Variants in FBXO41 observed in about 807,000 individuals in gnomAD.
The protein encoded by FBXO41 is F-box only protein 41.
Under a neutral mutation model 81.6 loss-of-function variants are expected in FBXO41, and 33 were observed. The ratio of observed to expected loss-of-function variants is 0.40; its 90% CI spans 0.31 to 0.54. FBXO41 has a LOEUF of 0.54. FBXO41 is among the 20% of genes least tolerant of loss of function. The pLI is 0.39. For synonymous variants in FBXO41, 576 were observed against 552.7 expected (o/e 1.04, Z -0.59); for missense variants, 1,107 against 1,236.0 (o/e 0.90, Z 1.56).
At chr2:73,272,703 T>C in intron 1 of FBXO41, among the ~76,000 whole-genome samples, 1 of 152,216 alleles carries the variant, frequency 6.6e-6, no homozygotes, top group Non-Finnish European at 1.5e-5. Flanking sequence ...GGCAGAACAC[T>C]GAGGCCTGTT....
rs1687864273 is a variant in FBXO41, at chr2:73,257,655, G to A, written c.*1327C>T. 1 of 152,334 alleles carries A rather than the reference G, an allele frequency of 6.6e-6. No homozygotes were observed. The highest frequency in any genetic ancestry group is 2.4e-5 in the African/African-American group (1 of 41,456). 9.4% of individuals were successfully genotyped at this position (152,334 alleles called of 1,614,324 possible). On this transcript the variant is annotated 3_prime_UTR_variant, in exon 13 of 13. Coordinates refer to ENST00000520530, the MANE Select transcript of FBXO41 (RefSeq NM_001371389.2). This position sits in a 1 kb window ranked among gnomAD's most constrained non-coding sequence, Gnocchi z 4.6. ...CAGGACCCCCGGCCTCTGAGCTACT[G>A]TGGGAGTTCTGAGAGGAGGAACTGG...
At chr2:73,280,298 A>T (rs1362001548) in intron 1 of FBXO41, among the ~76,000 whole-genome samples, 3 of 152,160 alleles carry the variant, frequency 2.0e-5, no homozygotes, top group African/African-American at 7.2e-5. Flanking sequence ...TGGACCACTG[A>T]TATTGTCTAA....
Position 73,260,862 on chromosome 2 carries a change from G to C in FBXO41, c.2172-4C>G, listed in dbSNP as rs778363298. On this transcript the variant is annotated splice_region_variant and splice_polypyrimidine_tract_variant and intron_variant, in intron 9 of 12. Coordinates refer to ENST00000520530, the MANE Select transcript of FBXO41 (RefSeq NM_001371389.2). This position sits in a 1 kb window ranked among gnomAD's most constrained non-coding sequence, Gnocchi z 5.0. ...ACTGAAGCGTGTGGGCTGCTGGCTG[G>C]AGAATGGGAAGGGGGAGCCGTCAGG... The C allele has an allele frequency of 6.4e-7, 1 of 1,553,636 alleles. No homozygotes were observed. The highest frequency in any genetic ancestry group is 1.4e-5 in the African/African-American group (1 of 73,460).
chr2:73,263,562 T>C (rs1438243325), intron 8 of FBXO41, 116 bp downstream of exon 8: 33 of 1,348,904 alleles, frequency 2.4e-5, no homozygotes, highest in Non-Finnish European at 3.3e-5. Context: ...CCTTCAGCCA[T>C]AGAGCTCTTG....
intron 8 of FBXO41, 100 bp downstream of exon 8, chr2:73,263,578 C>A: frequency 6.7e-7 from 1 of 1,483,868 alleles, no homozygotes; most frequent in South Asian, 1.3e-5. Flanking sequence ...TCTTGGATCC[C>A]TTTGCTTGAG....
rs374406782 is a variant in FBXO41 at position 73,268,716 on chromosome 2, G to A, written c.905+10C>T. The A allele has an allele frequency of 6.8e-5, 104 of 1,522,548 alleles. No homozygotes were observed. In the African/African-American group the frequency reaches 9.5e-4, roughly 14 times the overall value. The allele number at this position is 1,522,548 out of a possible 1,614,324, so 94.3% of individuals were successfully genotyped here. On this transcript the variant is annotated intron_variant, in intron 2 of 12. Coordinates refer to ENST00000520530, the MANE Select transcript of FBXO41 (RefSeq NM_001371389.2). ...CACAACCACTCACAGGGCCCCGAGG[G>A]TCTACTCACTGCTGCTTGCGGCTCA...
At chr2:73,267,591 A>G (rs548119537) in intron 2 of FBXO41, among the ~76,000 whole-genome samples, 1 of 152,260 alleles carries the variant, frequency 6.6e-6, no homozygotes, top group Non-Finnish European at 1.5e-5. Context: ...TATGGAGTTT[A>G]TATGACAATG....
At chr2:73,274,324 C>T (rs192827857) in intron 1 of FBXO41, among the ~76,000 whole-genome samples, 3 of 152,320 alleles carry the variant, frequency 2.0e-5, no homozygotes, top group Non-Finnish European at 2.9e-5. Flanking sequence ...CTTGCCTGTG[C>T]ACTACTTTGC....
intron 4 of FBXO41, 125 bp downstream of exon 4, chr2:73,265,768 G>T: frequency 2.8e-6 from 4 of 1,431,426 alleles, no homozygotes; most frequent in Non-Finnish European, 3.8e-6. Context: ...CTCTGGGTGT[G>T]GAAAGGCAGA....
intron 9 of FBXO41, among the ~76,000 whole-genome samples, chr2:73,261,385 A>T (rs1688017282): frequency 6.6e-6 from 1 of 152,030 alleles, no homozygotes; most frequent in African/African-American, 2.4e-5. Context: ...CACAGTTCAG[A>T]CCACCATTGG....
In FBXO41 at chr2:73,258,875, G is replaced by T. The variant is rs1346149491; in HGVS notation, c.*107C>A. The T allele has an allele frequency of 8.1e-7, 1 of 1,232,408 alleles. No homozygotes were observed. The allele number at this position is 1,232,408 out of a possible 1,614,324, so 76.3% of individuals were successfully genotyped here. A position where few individuals can be genotyped will look rare whatever the true frequency, so the allele number is the denominator to read the frequency against. On this transcript the variant is annotated 3_prime_UTR_variant, in exon 13 of 13. Coordinates refer to ENST00000520530, the MANE Select transcript of FBXO41 (RefSeq NM_001371389.2). ...TGACAGTCCCCCTCCAGAAGCCAGGGATAACACTCGGCCTCCAAAGGTCTA... is the reference window on the plus strand; with the variant it reads ...TGACAGTCCCCCTCCAGAAGCCAGGTATAACACTCGGCCTCCAAAGGTCTA...
At chr2:73,262,596 C>T (rs1688057288) in intron 9 of FBXO41, among the ~76,000 whole-genome samples, 1 of 152,222 alleles carries the variant, frequency 6.6e-6, no homozygotes, top group Non-Finnish European at 1.5e-5. Flanking sequence ...TACCTGATCT[C>T]ATTTGGGCGA....
intron 1 of FBXO41, among the ~76,000 whole-genome samples, chr2:73,279,694 G>A (rs1688792589): frequency 6.6e-6 from 1 of 152,154 alleles, no homozygotes; most frequent in Admixed American, 6.5e-5. Context: ...AGTGAGTGAG[G>A]TAAGGACGTG....
Position 73,260,357 on chromosome 2 carries a change from C to T in FBXO41, c.2449+32G>A, listed in dbSNP as rs777649710. On this transcript the variant is annotated intron_variant, in intron 11 of 12. Transcript: ENST00000520530. The surrounding 1 kb of genome is among the most constrained non-coding windows in gnomAD (Gnocchi z 5.0). ...ACAGGGCCCCGTGGCAGGTGATAGT[C>T]GTACCCTGCCCCTCATTCCCCCAGT... The T allele has an allele frequency of 8.7e-6, 14 of 1,603,402 alleles. No homozygotes were observed. Among genetic ancestry groups the T allele is most frequent in the Non-Finnish European group, 1.2e-5 (14 of 1,173,666 alleles).
intron 5 of FBXO41, 90 bp from the exon 6 acceptor site, chr2:73,264,609 C>T: frequency 6.4e-7 from 1 of 1,555,102 alleles, no homozygotes; most frequent in Non-Finnish European, 8.7e-7. Context: ...GTAGGATCTG[C>T]AGAGGAATGG....
At chr2:73,270,629 AGT>A (rs1348765035) in intron 1 of FBXO41, among the ~76,000 whole-genome samples, 1 of 152,040 alleles carries the variant, frequency 6.6e-6, no homozygotes, top group East Asian at 1.9e-4. Context: ...GCTTCCAGTA[AGT>A]GTCCCTGCCC....
In FBXO41 at chr2:73,260,671, T is replaced by C; in HGVS notation, c.2290+69A>G. On this transcript the variant is annotated intron_variant, in intron 10 of 12. Coordinates refer to ENST00000520530, the MANE Select transcript of FBXO41 (RefSeq NM_001371389.2). This position sits in a 1 kb window ranked among gnomAD's most constrained non-coding sequence, Gnocchi z 5.0. ...CTGCAGCCCCAAGCCCCTGTGGGAT[T>C]TCACAAGGCAGCACTGCACCCATGC... 1 of 1,518,328 alleles carries C rather than the reference T, an allele frequency of 6.6e-7. No individual in the cohort carries two copies. Among genetic ancestry groups the C allele is most frequent in the East Asian group, 2.5e-5 (1 of 40,618 alleles). 94.1% of individuals were successfully genotyped at this position (1,518,328 alleles called of 1,614,324 possible).
Position 73,254,711 on chromosome 2 carries a change from T to C in FBXO41, c.*4271A>G, listed in dbSNP as rs1304158382. On this transcript the variant is annotated 3_prime_UTR_variant, in exon 13 of 13. Coordinates refer to ENST00000520530, the MANE Select transcript of FBXO41 (RefSeq NM_001371389.2). Reference sequence around the variant, plus strand: ...GATAGACCAGTTTCACCATCTTTTTTATTGGATACAGAGCCATAAATTCTC... The same window carrying C: ...GATAGACCAGTTTCACCATCTTTTTCATTGGATACAGAGCCATAAATTCTC... The C allele has an allele frequency of 6.6e-6, 1 of 152,644 alleles. No individual in the cohort carries two copies. The highest frequency in any genetic ancestry group is 2.4e-5 in the African/African-American group (1 of 41,454). 9.5% of individuals were successfully genotyped at this position (152,644 alleles called of 1,614,324 possible). A position where few individuals can be genotyped will look rare whatever the true frequency, so the allele number is the denominator to read the frequency against.
rs1375041134 is a variant in FBXO41, at chr2:73,255,676, G to C, written c.*3306C>G. The C allele has an allele frequency of 2.0e-5, 3 of 152,668 alleles. No individual in the cohort carries two copies. Among genetic ancestry groups the C allele is most frequent in the Non-Finnish European group, 4.4e-5 (3 of 68,052 alleles). 9.5% of individuals were successfully genotyped at this position (152,668 alleles called of 1,614,324 possible). A position where few individuals can be genotyped will look rare whatever the true frequency, so the allele number is the denominator to read the frequency against. On this transcript the variant is annotated 3_prime_UTR_variant, in exon 13 of 13. Transcript: ENST00000520530. ...AGGCCTCCTTCAACTTAGCGCCTTAGAGGGATTGGGGCCCGGGTGACTCCC... is the reference window on the plus strand; with the variant it reads ...AGGCCTCCTTCAACTTAGCGCCTTACAGGGATTGGGGCCCGGGTGACTCCC...
Sources: allele counts gnomAD v4.1 joint callset (sites outside exome capture counted in the v4.1 genomes callset), GRCh38; gene constraint gnomAD v4.1.1; non-coding constraint Gnocchi (gnomAD v3.1); transcripts MANE v1.5; gene names NCBI Gene and HGNC (gene_info 2026-07-23, HGNC 2026-07-21).